OAF: variants seen among roughly 807,000 people sequenced by gnomAD.
OAF encodes out at first homolog, also known as out at first protein homolog.
OAF carries 13 observed loss-of-function variants against 22.5 expected under a neutral mutation model. The ratio of observed to expected loss-of-function variants is 0.58; its 90% confidence interval spans 0.38 to 0.92. OAF has a LOEUF of 0.92. Among genes scored for constraint, OAF ranks in the 40% least tolerant of loss-of-function variants. OAF has a pLI of 0.00. For synonymous variants in OAF, 175 were observed against 170.5 expected (o/e 1.03, Z -0.21); for missense variants, 347 against 381.8 (o/e 0.91, Z 0.76).
At chr11:120,224,744 G>C (rs1301524690) in intron 1 of OAF, among the ~76,000 whole-genome samples, 1 of 152,200 alleles carries the variant, frequency 6.6e-6, no homozygotes, top group South Asian at 2.1e-4. Flanking sequence ...CACAGGAGGG[G>C]CCTTGACAGA....
intron 1 of OAF, among the ~76,000 whole-genome samples, chr11:120,218,696 G>A (rs565889574): frequency 4.6e-5 from 7 of 152,174 alleles, no homozygotes; most frequent in African/African-American, 1.4e-4. Flanking sequence ...GCCCTAGAGC[G>A]ATGACCTGCA....
chr11:120,223,749 C>T (rs1293283995), intron 1 of OAF, among the ~76,000 whole-genome samples: 1 of 152,196 alleles, frequency 6.6e-6, no homozygotes, highest in Non-Finnish European at 1.5e-5. Context: ...CCTGCACCTG[C>T]GGTATTGGAG....
intron 1 of OAF, among the ~76,000 whole-genome samples, chr11:120,220,052 C>A (rs1938261000): frequency 6.6e-6 from 1 of 152,342 alleles, no homozygotes; most frequent in East Asian, 1.9e-4. Context: ...TGCTCTTGAG[C>A]CAGAGGCAGG....
At chr11:120,212,728 C>T (rs1001187187) in intron 1 of OAF, among the ~76,000 whole-genome samples, 1 of 146,842 alleles carries the variant, frequency 6.8e-6, no homozygotes, top group Non-Finnish European at 1.5e-5. Flanking sequence ...AGGGGTTAGG[C>T]TTGACCGCTA....
intron 1 of OAF, among the ~76,000 whole-genome samples, chr11:120,216,558 CT>C (rs1739683774): frequency 6.6e-6 from 1 of 152,196 alleles, no homozygotes; most frequent in Non-Finnish European, 1.5e-5. Flanking sequence ...ATATCTGTCC[CT>C]CCTCTGCGTG....
At chr11:120,215,839 C>G (rs573565876) in intron 1 of OAF, among the ~76,000 whole-genome samples, 1 of 151,866 alleles carries the variant, frequency 6.6e-6, no homozygotes, top group South Asian at 2.1e-4. Flanking sequence ...TGGGGCTGAC[C>G]GGATGGGGAG....
intron 1 of OAF, among the ~76,000 whole-genome samples, chr11:120,214,906 T>C (rs1224530427): frequency 3.3e-5 from 5 of 152,170 alleles, no homozygotes; most frequent in African/African-American, 7.2e-5. Context: ...GAGCCACAGC[T>C]CTGAAAGAAT....
chr11:120,213,660 C>G (rs1938178179), intron 1 of OAF: 1 of 152,366 alleles, frequency 6.6e-6, no homozygotes. Context: ...GCCACAGCAG[C>G]TTCTATGTCC....
chr11:120,211,223 G>A lies in OAF; in HGVS notation c.-57G>A. 1 of 1,131,646 alleles carries A rather than the reference G, an allele frequency of 8.8e-7. No individual in the cohort carries two copies. Among genetic ancestry groups the A allele is most frequent in the Non-Finnish European group, 1.1e-6 (1 of 916,564 alleles). 70.1% of individuals were successfully genotyped at this position (1,131,646 alleles called of 1,614,324 possible). A position where few individuals can be genotyped will look rare whatever the true frequency, so the allele number is the denominator to read the frequency against. On this transcript the variant is annotated 5_prime_UTR_variant, in exon 1 of 4. Coordinates refer to ENST00000328965, the MANE Select transcript of OAF (RefSeq NM_178507.4). ...CCAACTTTGGGCGAAGTTTGCCTGC[G>A]CCTCTCCCCGCCCCCACGCGGCGCG...
At chr11:120,218,078 T>C (rs1471890864) in intron 1 of OAF, among the ~76,000 whole-genome samples, 1 of 152,162 alleles carries the variant, frequency 6.6e-6, no homozygotes, top group Non-Finnish European at 1.5e-5. Context: ...AGCCTCACAT[T>C]GTTCCTGCAG....
rs1187419743 is a variant in OAF, at chr11:120,218,478, G to A, written c.231+6968G>A. ...CCCCCTCTCCCCTCCCCAGCCCAGCGAAGCCAGCCACTTCTCTAGCCATAA... is the reference window on the plus strand; with the variant it reads ...CCCCCTCTCCCCTCCCCAGCCCAGCAAAGCCAGCCACTTCTCTAGCCATAA... On this transcript the variant is annotated intron_variant, in intron 1 of 3. Coordinates refer to ENST00000328965, the MANE Select transcript of OAF (RefSeq NM_178507.4). Among the ~76,000 whole-genome samples, 9 of 152,308 alleles carry A rather than the reference G, an allele frequency of 5.9e-5. No individual in the cohort carries two copies. In the East Asian group the frequency reaches 1.2e-3, roughly 20 times the overall value.
At chr11:120,217,794 T>C (rs73586707) in intron 1 of OAF, among the ~76,000 whole-genome samples, 1,783 of 152,276 alleles carry the variant, frequency 0.012, 35 homozygotes, top group African/African-American at 0.04. Flanking sequence ...CGCGTGGGCA[T>C]GTGAGGAGTG....
At position 120,229,380 on chromosome 11, in the gene OAF, G is replaced by T; in HGVS notation, c.*238G>T. 4 of 281,992 alleles carry T rather than the reference G, an allele frequency of 1.4e-5. No individual in the cohort carries two copies. The South Asian group carries it at 4.6e-4, about 32-fold the overall frequency. 17.5% of individuals were successfully genotyped at this position (281,992 alleles called of 1,614,324 possible). ...CCTTCCTTGCGGGCAGAGAGGGAGA[G>T]AAGGGCTCCCCAGATCTACACCCCT... On this transcript the variant is annotated 3_prime_UTR_variant, in exon 4 of 4. Coordinates refer to ENST00000328965, the MANE Select transcript of OAF (RefSeq NM_178507.4).
intron 3 of OAF, among the ~76,000 whole-genome samples, chr11:120,227,609 A>G (rs1469159921): frequency 6.6e-6 from 1 of 151,970 alleles, no homozygotes; most frequent in African/African-American, 2.4e-5. Context: ...TCCTCTCCAT[A>G]CTGCATGGTC....
chr11:120,229,945 A>G lies in OAF; in HGVS notation c.*803A>G, dbSNP rs964463289. 6.6e-6 allele frequency: 1 copy of G among 152,484 alleles called. No homozygotes were observed. Among genetic ancestry groups the G allele is most frequent in the African/African-American group, 2.4e-5 (1 of 41,464 alleles). The allele number at this position is 152,484 out of a possible 1,614,324, so 9.4% of individuals were successfully genotyped here. On this transcript the variant is annotated 3_prime_UTR_variant, in exon 4 of 4. Coordinates refer to ENST00000328965, the MANE Select transcript of OAF (RefSeq NM_178507.4). The stretch of plus-strand genomic sequence containing the variant: ...AACGTTTTAAGTTTTTACTTGACTA[A>G]TGAGACCCAGAGTTTGGAGAAAACT...
chr11:120,222,929 A>AAAC (rs370265321), intron 1 of OAF, among the ~76,000 whole-genome samples: 1,333 of 20,194 alleles, frequency 0.066, 19 homozygotes, highest in African/African-American at 0.074. Context: ...AAACAAAACA[A>AAAC]AAAACAAAAA....
At chr11:120,225,870 C>A in intron 2 of OAF, 75 bp downstream of exon 2, 1 of 1,394,740 alleles carries the variant, frequency 7.2e-7, no homozygotes, top group East Asian at 2.5e-5. Flanking sequence ...ATCCCGCAGA[C>A]CCGGCCCAGA....
At chr11:120,227,813 TACCC>T (rs1198267693) in intron 3 of OAF, among the ~76,000 whole-genome samples, 3 of 152,024 alleles carry the variant, frequency 2.0e-5, no homozygotes, top group African/African-American at 7.3e-5. Context: ...GATTTAGAAA[TACCC>T]AACCAAGCTG....
chr11:120,219,239 G>A (rs1938251334), intron 1 of OAF, among the ~76,000 whole-genome samples: 1 of 152,118 alleles, frequency 6.6e-6, no homozygotes, highest in Non-Finnish European at 1.5e-5. Context: ...GAATGGGAAT[G>A]TGGAACAGGA....
Sources: allele counts gnomAD v4.1 joint callset (sites outside exome capture counted in the v4.1 genomes callset), GRCh38; gene constraint gnomAD v4.1.1; transcripts MANE v1.5; gene names NCBI Gene and HGNC (gene_info 2026-07-23, HGNC 2026-07-21).